Variants in BMP5 observed in about 807,000 individuals in gnomAD.
BMP5 encodes bone morphogenetic protein 5.
A neutral mutation model predicts 46.6 loss-of-function variants in BMP5; 23 were observed. The ratio of observed to expected loss-of-function variants is 0.49; its 90% confidence interval spans 0.35 to 0.70. BMP5 has a LOEUF of 0.70. Among genes scored for constraint, BMP5 ranks in the 30% least tolerant of loss-of-function variants. The pLI, the probability that BMP5 is intolerant of heterozygous loss-of-function variation, is 0.00. For synonymous variants in BMP5, 204 were observed against 191.9 expected (o/e 1.06, Z -0.52); for missense variants, 545 against 565.6 (o/e 0.96, Z 0.37).
chr6:55,783,064 T>G (rs942103182), intron 3 of BMP5, among the ~76,000 whole-genome samples: 41 of 152,058 alleles, frequency 2.7e-4, no homozygotes, highest in African/African-American at 9.4e-4. Context: ...CGTATTGTAG[T>G]TTCCAAGAAT....
At chr6:55,833,523 A>G (rs1463705438) in intron 1 of BMP5, among the ~76,000 whole-genome samples, 1 of 152,224 alleles carries the variant, frequency 6.6e-6, no homozygotes, top group Non-Finnish European at 1.5e-5. Context: ...AAAACTTAAA[A>G]TAACTCTAGG....
chr6:55,767,709 C>T (rs964901135), intron 4 of BMP5, among the ~76,000 whole-genome samples: 12 of 151,908 alleles, frequency 7.9e-5, no homozygotes, highest in East Asian at 1.9e-4. Context: ...GTCATAATTA[C>T]GTGGATTAGA....
At chr6:55,844,685 C>G (rs1459959875) in intron 1 of BMP5, among the ~76,000 whole-genome samples, 1 of 151,704 alleles carries the variant, frequency 6.6e-6, no homozygotes, top group Non-Finnish European at 1.5e-5. Context: ...ATCACATTAT[C>G]TTCTGAAAAT....
intron 1 of BMP5, among the ~76,000 whole-genome samples, chr6:55,847,061 A>C (rs945384510): frequency 6.6e-6 from 1 of 151,732 alleles, no homozygotes; most frequent in Non-Finnish European, 1.5e-5. Flanking sequence ...AACATTGTAT[A>C]CCCTCTATTC....
At chr6:55,812,712 G>T (rs978229685) in intron 2 of BMP5, among the ~76,000 whole-genome samples, 3 of 152,156 alleles carry the variant, frequency 2.0e-5, no homozygotes, top group African/African-American at 7.2e-5. Context: ...GTTTTGAGAG[G>T]TGACTCTGCT....
intron 2 of BMP5, among the ~76,000 whole-genome samples, chr6:55,811,592 A>G (rs770172868): frequency 1.3e-5 from 2 of 151,976 alleles, no homozygotes; most frequent in African/African-American, 4.8e-5. Context: ...TTATACACTT[A>G]AACATTTTAG....
In BMP5 at chr6:55,865,221, AT is replaced by A. The variant is rs139051714; in HGVS notation, c.490+9154del. 4.2e-3 allele frequency among the ~76,000 whole-genome samples: 624 copies of A among 149,790 alleles called. 5 individuals are homozygous for A. The highest frequency in any genetic ancestry group is 0.013 in the African/African-American group (519 of 40,932). ...TGAAAATAAGCATTAAAAACTTTTCATTTTTTTTTTACATTCTTTCAAAGGG... is the reference window on the plus strand; with the variant it reads ...TGAAAATAAGCATTAAAAACTTTTCATTTTTTTTTACATTCTTTCAAAGGG... On this transcript the variant is annotated intron_variant, in intron 1 of 6. Transcript: ENST00000370830.
intron 1 of BMP5, among the ~76,000 whole-genome samples, chr6:55,828,101 G>A (rs1776574284): frequency 6.6e-6 from 1 of 151,842 alleles, no homozygotes; most frequent in Admixed American, 6.6e-5. Context: ...ACCTTTAGGT[G>A]ATAGAGGTTA....
chr6:55,844,334 C>A (rs10485076), intron 1 of BMP5, among the ~76,000 whole-genome samples: 65,410 of 151,734 alleles, frequency 0.43, 14,557 homozygotes, highest in African/African-American at 0.54. Flanking sequence ...TTGGCAGATT[C>A]TCTTTCCTAA....
intron 1 of BMP5, among the ~76,000 whole-genome samples, chr6:55,835,699 T>A (rs1467804566): frequency 2.0e-5 from 3 of 152,178 alleles, no homozygotes; most frequent in African/African-American, 7.2e-5. Flanking sequence ...TTTCTAGAAA[T>A]CCATTTTTCC....
chr6:55,851,953 C>T (rs1777253990), intron 1 of BMP5, among the ~76,000 whole-genome samples: 2 of 152,070 alleles, frequency 1.3e-5, no homozygotes, highest in African/African-American at 4.8e-5. Flanking sequence ...GTTGAAGATC[C>T]TTCTCATTTT....
chr6:55,850,748 A>G (rs1377369057), intron 1 of BMP5, among the ~76,000 whole-genome samples: 3 of 152,166 alleles, frequency 2.0e-5, no homozygotes, highest in Admixed American at 6.6e-5. Context: ...TTTAGCATCA[A>G]CTAAATGTGT....
At chr6:55,755,762 T>A in intron 6 of BMP5, 80 bp from the exon 7 acceptor site, 2 of 1,355,354 alleles carry the variant, frequency 1.5e-6, no homozygotes, top group African/African-American at 1.5e-5. Flanking sequence ...ATGATTATTT[T>A]ATCACTCATA....
intron 1 of BMP5, among the ~76,000 whole-genome samples, chr6:55,859,874 A>G (rs1777488714): frequency 6.6e-6 from 1 of 152,252 alleles, no homozygotes; most frequent in African/African-American, 2.4e-5. Flanking sequence ...GCTCATTAGC[A>G]TAATAAACAC....
At position 55,819,674 on chromosome 6, in the gene BMP5, T is replaced by C. The variant is rs1368110512; in HGVS notation, c.664A>G (p.Ile222Val). 1.2e-6 allele frequency: 2 copies of C among 1,612,412 alleles called. No individual in the cohort carries two copies. Among genetic ancestry groups the C allele is most frequent in the South Asian group, 1.1e-5 (1 of 91,036 alleles). Residue 222 changes from isoleucine to valine, a missense_variant, in exon 2 of 7, where the codon ATC becomes GTC. Coordinates refer to ENST00000370830, the MANE Select transcript of BMP5 (RefSeq NM_021073.4). ...TTATACCTATTTGTGTATTCCTTGA[T>C]GATTTGATATATGCTAATCTTAATT... ...ETIKISIYQIIKEYTNRDADL... is the reference protein window; with the variant it reads ...ETIKISIYQIVKEYTNRDADL...
At chr6:55,872,575 T>G (rs1484794388) in intron 1 of BMP5, among the ~76,000 whole-genome samples, 2 of 151,732 alleles carry the variant, frequency 1.3e-5, no homozygotes, top group Non-Finnish European at 3.0e-5. Context: ...TGGTTTTGAC[T>G]TTCTTACTCT....
chr6:55,865,272 T>C, intron 1 of BMP5: 2 of 337,726 alleles, frequency 5.9e-6, no homozygotes, highest in Non-Finnish European at 1.1e-5. Context: ...TCCATGTCTT[T>C]ACAATCAAAT....
chr6:55,825,606 G>GA (rs1776511915), intron 1 of BMP5, among the ~76,000 whole-genome samples: 1 of 148,142 alleles, frequency 6.8e-6, no homozygotes, highest in Non-Finnish European at 1.5e-5. Context: ...GATAGAAGTT[G>GA]TTTTTTTTTT....
intron 1 of BMP5, among the ~76,000 whole-genome samples, chr6:55,820,138 T>C (rs1358669890): frequency 1.3e-5 from 2 of 152,160 alleles, no homozygotes; most frequent in Non-Finnish European, 2.9e-5. Flanking sequence ...AAATGATTAC[T>C]ACTATGTATC....
Sources: allele counts gnomAD v4.1 joint callset (sites outside exome capture counted in the v4.1 genomes callset), GRCh38; gene constraint gnomAD v4.1.1; transcripts MANE v1.5; gene names NCBI Gene and HGNC (gene_info 2026-07-23, HGNC 2026-07-21).